The following ZNF678 variants were observed in gnomAD, a reference collection of about 807,000 sequenced individuals.
The protein encoded by ZNF678 is hypothetical protein MGC42493.
In ZNF678, 5 loss-of-function variants were observed where a neutral mutation model predicts 3.0. The ratio of observed to expected loss-of-function variants is 1.69; its 90% confidence interval spans 0.88 to 3.56. The LOEUF (loss-of-function observed/expected upper bound fraction) is 3.56, where lower values mean the gene tolerates loss of function less well. Among genes scored for constraint, ZNF678 ranks in the 30% most tolerant of loss-of-function variants. ZNF678 has a pLI of 0.00. For missense variants in ZNF678, 593 were observed against 605.0 expected (o/e 0.98, Z 0.21); for synonymous variants, 218 against 199.6 (o/e 1.09, Z -0.78).
chr1:227,660,526 G>C lies in ZNF678; in HGVS notation c.*4698G>C, dbSNP rs1352238366. Reference sequence around the variant, plus strand: ...AATTGTTTTCTTTATTTCTTTTTCAGATAGTTTGTTGTTAGTGTATAGAAA... The same window carrying C: ...AATTGTTTTCTTTATTTCTTTTTCACATAGTTTGTTGTTAGTGTATAGAAA... On this transcript the variant is annotated 3_prime_UTR_variant, in exon 4 of 4. Transcript: ENST00000343776. 1 of 151,894 alleles carries C rather than the reference G, an allele frequency of 6.6e-6. No individual in the cohort carries two copies. Among genetic ancestry groups the C allele is most frequent in the Non-Finnish European group, 1.5e-5 (1 of 67,950 alleles). The allele number at this position is 151,894 out of a possible 1,614,324, so 9.4% of individuals were successfully genotyped here.
At position 227,563,698 on chromosome 1, in the gene ZNF678, C is replaced by G; in HGVS notation, c.-190C>G. On this transcript the variant is annotated 5_prime_UTR_variant, in exon 1 of 4. Coordinates refer to ENST00000343776, the MANE Select transcript of ZNF678 (RefSeq NM_001367909.1). The stretch of plus-strand genomic sequence containing the variant: ...TACTGGGAGTTACATAGCTAAGATG[C>G]CAGGACACCCCGAAAGCCGGAAAAC... The G allele has an allele frequency of 7.5e-7, 1 of 1,332,962 alleles. No individual in the cohort carries two copies. The highest frequency in any genetic ancestry group is 1.2e-5 in the South Asian group (1 of 83,538). The allele number at this position is 1,332,962 out of a possible 1,614,324, so 82.6% of individuals were successfully genotyped here.
chr1:227,604,835 C>CT (rs1229411282), intron 1 of ZNF678, among the ~76,000 whole-genome samples: 4 of 151,840 alleles, frequency 2.6e-5, no homozygotes, highest in East Asian at 1.9e-4. Flanking sequence ...TTTTTATTAC[C>CT]TTCTTTTTCA....
At chr1:227,646,302 G>A (rs1014283466) in intron 1 of ZNF678, among the ~76,000 whole-genome samples, 2 of 152,074 alleles carry the variant, frequency 1.3e-5, no homozygotes, top group African/African-American at 4.8e-5. Context: ...ATGTATTGGC[G>A]CCCTTAGTTT....
chr1:227,586,216 A>C (rs1200344556), intron 1 of ZNF678, among the ~76,000 whole-genome samples: 1 of 143,650 alleles, frequency 7.0e-6, no homozygotes, highest in Non-Finnish European at 1.5e-5. Flanking sequence ...AAATAAGCAA[A>C]TAAAAAAATA....
chr1:227,624,574 G>A (rs187134793), intron 1 of ZNF678, among the ~76,000 whole-genome samples: 6 of 152,250 alleles, frequency 3.9e-5, no homozygotes, highest in African/African-American at 1.4e-4. Flanking sequence ...CTCCCAACAT[G>A]GCAGCAAGCC....
At chr1:227,606,312 C>T (rs2102755141) in intron 1 of ZNF678, among the ~76,000 whole-genome samples, 1 of 152,280 alleles carries the variant, frequency 6.6e-6, no homozygotes, top group Middle Eastern at 3.4e-3. Context: ...GAATCTGCAT[C>T]ATAAATAAGT....
chr1:227,598,774 G>A (rs1657659321), intron 1 of ZNF678: 3 of 532,906 alleles, frequency 5.6e-6, no homozygotes, highest in South Asian at 5.2e-5. Flanking sequence ...TTCTTTCTCT[G>A]TTTTCCTTGT....
chr1:227,566,970 C>T (rs2102711015), intron 1 of ZNF678, among the ~76,000 whole-genome samples: 1 of 152,298 alleles, frequency 6.6e-6, no homozygotes, highest in South Asian at 2.1e-4. Flanking sequence ...AACTCACTTT[C>T]ACAAGACAGT....
Position 227,647,208 on chromosome 1 carries a change from G to C in ZNF678, c.-37+538G>C, listed in dbSNP as rs544376170. Among the ~76,000 whole-genome samples, 7 of 152,318 alleles carry C rather than the reference G, an allele frequency of 4.6e-5. No homozygotes were observed. The East Asian group carries it at 1.3e-3, about 29-fold the overall frequency. On this transcript the variant is annotated intron_variant, in intron 2 of 3. Coordinates refer to ENST00000343776, the MANE Select transcript of ZNF678 (RefSeq NM_001367909.1). ...AGAGGCAGAGGTTGCAGTGAGCTGA[G>C]ATCATGCCATTGCACTCCAGCTTGG...
chr1:227,671,899 A>T (rs1197998082), intron 5 of ZNF678, among the ~76,000 whole-genome samples: 3 of 152,220 alleles, frequency 2.0e-5, no homozygotes, highest in African/African-American at 7.2e-5. Flanking sequence ...AATGTAAAAA[A>T]ATAGGACATG....
At chr1:227,585,996 A>T (rs1368284936) in intron 1 of ZNF678, among the ~76,000 whole-genome samples, 1 of 152,154 alleles carries the variant, frequency 6.6e-6, no homozygotes, top group Admixed American at 6.5e-5. Context: ...GATTTACTAC[A>T]GTATGGTATT....
chr1:227,613,574 T>C (rs189718927), intron 1 of ZNF678, among the ~76,000 whole-genome samples: 13 of 152,330 alleles, frequency 8.5e-5, no homozygotes, highest in African/African-American at 2.9e-4. Flanking sequence ...TGGTTGAAAG[T>C]GAGCCAGCAG....
chr1:227,666,530 A>C (rs1219891288), downstream of ZNF678, among the ~76,000 whole-genome samples: 1 of 152,112 alleles, frequency 6.6e-6, no homozygotes, highest in African/African-American at 2.4e-5. Context: ...CATAAATTAC[A>C]CAGGGTAGCC....
At chr1:227,664,657 G>T (rs1659472095), downstream of ZNF678, among the ~76,000 whole-genome samples, 1 of 152,078 alleles carries the variant, frequency 6.6e-6, no homozygotes, top group African/African-American at 2.4e-5. Context: ...AGAACATCTT[G>T]CTCTCTTGAG....
chr1:227,595,269 GTCTCTC>G (rs148351161), intron 1 of ZNF678, among the ~76,000 whole-genome samples: 1 of 143,664 alleles, frequency 7.0e-6, no homozygotes, highest in African/African-American at 2.6e-5. Context: ...TCTCTTCTCT[GTCTCTC>G]TCTCTCTCTC....
At chr1:227,567,116 A>C (rs1377656920) in intron 1 of ZNF678, among the ~76,000 whole-genome samples, 1 of 152,204 alleles carries the variant, frequency 6.6e-6, no homozygotes, top group African/African-American at 2.4e-5. Context: ...GTTTTAGGAG[A>C]TGGGACATGG....
intron 1 of ZNF678, among the ~76,000 whole-genome samples, chr1:227,630,497 C>T (rs941409370): frequency 6.6e-6 from 1 of 152,234 alleles, no homozygotes; most frequent in Non-Finnish European, 1.5e-5. Flanking sequence ...GGGTTAGCAT[C>T]TGATCTAGCA....
chr1:227,660,997 T>A lies in ZNF678; in HGVS notation c.*5169T>A, dbSNP rs866414651. On this transcript the variant is annotated 3_prime_UTR_variant, in exon 4 of 4. Coordinates refer to ENST00000343776, the MANE Select transcript of ZNF678 (RefSeq NM_001367909.1). The stretch of plus-strand genomic sequence containing the variant: ...GAGATCCTTCATCTTTCTCAGAATC[T>A]AGGAGGATGCATCTGTACCTAGAGG... 5 of 152,182 alleles carry A rather than the reference T, an allele frequency of 3.3e-5. No homozygotes were observed. The highest frequency in any genetic ancestry group is 5.9e-5 in the Non-Finnish European group (4 of 68,026). 9.4% of individuals were successfully genotyped at this position (152,182 alleles called of 1,614,324 possible).
rs1382733758 is a variant in ZNF678 at position 227,596,975 on chromosome 1, GA to G, written c.-164+33253del. Among the ~76,000 whole-genome samples the G allele has an allele frequency of 2.0e-5, 3 of 152,100 alleles. No homozygotes were observed. The East Asian group carries it at 5.8e-4, about 29-fold the overall frequency. On this transcript the variant is annotated intron_variant, in intron 1 of 3. Transcript: ENST00000343776. The stretch of plus-strand genomic sequence containing the variant: ...TTTTCTAAAATCTAGTTTTTTCTTT[GA>G]ATTCCTGAAATTAATACCCTTCTGA...
Sources: allele counts gnomAD v4.1 joint callset (sites outside exome capture counted in the v4.1 genomes callset), GRCh38; gene constraint gnomAD v4.1.1; transcripts MANE v1.5; gene names NCBI Gene and HGNC (gene_info 2026-07-23, HGNC 2026-07-21).